Variants in WWOX observed in about 807,000 individuals in gnomAD.
WWOX encodes the protein WW domain-containing oxidoreductase.
WWOX carries 69 observed loss-of-function variants against 46.2 expected under a neutral mutation model. The observed-to-expected ratio is 1.49, with a 90% CI of 1.23 to 1.82. The LOEUF (loss-of-function observed/expected upper bound fraction) is 1.82, where lower values mean the gene tolerates loss of function less well. Among genes scored for constraint, WWOX ranks in the 40% most tolerant of loss-of-function variants. The pLI, the probability that WWOX is intolerant of heterozygous loss-of-function variation, is 0.00. For missense variants in WWOX, 919 were observed against 542.6 expected (o/e 1.69, Z -6.89); for synonymous variants, 359 against 202.6 (o/e 1.77, Z -6.56).
At chr16:78,528,660 A>C (rs757644300) in intron 8 of WWOX, among the ~76,000 whole-genome samples, 7 of 152,192 alleles carry the variant, frequency 4.6e-5, no homozygotes, top group African/African-American at 1.2e-4. Flanking sequence ...AGCACTTCTT[A>C]GGTGCCTCTG....
intron 8 of WWOX, among the ~76,000 whole-genome samples, chr16:79,125,293 C>T (rs538609596): frequency 1.3e-5 from 2 of 152,112 alleles, no homozygotes; most frequent in Admixed American, 1.3e-4. Context: ...TCCAAACCTC[C>T]GTAATTGTCT....
Position 78,427,822 on chromosome 16 carries a change from C to T in WWOX, c.791+2767C>T, listed in dbSNP as rs118100861. 4.2e-4 allele frequency among the ~76,000 whole-genome samples: 64 copies of T among 151,406 alleles called. 2 individuals carry two copies. The East Asian group carries it at 0.013, about 30-fold the overall frequency. ...TGTTTAAAAAAAATGCAGTATAGGC[C>T]AGGCACAGTGTCTCACGCCTGTAAT... On this transcript the variant is annotated intron_variant, in intron 7 of 8. Transcript: ENST00000566780.
At chr16:78,360,965 C>T (rs897062983) in intron 5 of WWOX, among the ~76,000 whole-genome samples, 1 of 152,066 alleles carries the variant, frequency 6.6e-6, no homozygotes, top group Non-Finnish European at 1.5e-5. Context: ...GGACTATACG[C>T]ATGCACCACC....
intron 5 of WWOX, among the ~76,000 whole-genome samples, chr16:78,292,916 C>T (rs1296102163): frequency 6.6e-6 from 1 of 152,140 alleles, no homozygotes; most frequent in Non-Finnish European, 1.5e-5. Flanking sequence ...AGGTATTCTG[C>T]CAGAGTGTGA....
intron 8 of WWOX, among the ~76,000 whole-genome samples, chr16:79,099,610 G>A (rs1165122766): frequency 6.6e-6 from 1 of 151,998 alleles, no homozygotes; most frequent in Non-Finnish European, 1.5e-5. Context: ...GAGAGAGAGA[G>A]AGAGAGAGAA....
chr16:78,669,025 T>A (rs376266715), intron 8 of WWOX, among the ~76,000 whole-genome samples: 2 of 152,186 alleles, frequency 1.3e-5, no homozygotes, highest in East Asian at 3.8e-4. Flanking sequence ...CAGAACGGCT[T>A]CCTGAATAAT....
chr16:78,513,167 A>T (rs527947373), intron 8 of WWOX, among the ~76,000 whole-genome samples: 1 of 152,238 alleles, frequency 6.6e-6, no homozygotes, highest in Non-Finnish European at 1.5e-5. Flanking sequence ...CATTAAAACA[A>T]ATGCCTCAAA....
At chr16:79,200,851 C>A (rs561276231) in intron 8 of WWOX, among the ~76,000 whole-genome samples, 12 of 152,156 alleles carry the variant, frequency 7.9e-5, no homozygotes, top group Non-Finnish European at 1.5e-4. Flanking sequence ...ACAGGCGAGT[C>A]TCTATACGGC....
intron 8 of WWOX, among the ~76,000 whole-genome samples, chr16:78,516,485 G>A (rs1333143657): frequency 1.3e-5 from 2 of 152,058 alleles, no homozygotes; most frequent in Non-Finnish European, 2.9e-5. Flanking sequence ...CAGACATTTG[G>A]AAACATTTTA....
In WWOX at chr16:78,671,990, G is replaced by A. The variant is rs367601140; in HGVS notation, c.1056+239238G>A. ...AATATGATCCTTGGCAGTCTACTAC[G>A]CAAAAGCAGGAACATCATCTGCTTT... On this transcript the variant is annotated intron_variant, in intron 8 of 8. Coordinates refer to ENST00000566780, the MANE Select transcript of WWOX (RefSeq NM_016373.4). Among the ~76,000 whole-genome samples, 17 of 152,168 alleles carry A rather than the reference G, an allele frequency of 1.1e-4. 1 individual carries two copies. The highest frequency in any genetic ancestry group is 4.2e-4 in the South Asian group (2 of 4,806).
intron 8 of WWOX, among the ~76,000 whole-genome samples, chr16:79,120,587 G>A (rs1236664390): frequency 6.6e-6 from 1 of 152,154 alleles, no homozygotes; most frequent in Non-Finnish European, 1.5e-5. Context: ...CGGTGTTGGA[G>A]CCCAGACGTC....
At chr16:79,102,984 C>T (rs1377765279) in intron 8 of WWOX, among the ~76,000 whole-genome samples, 6 of 152,076 alleles carry the variant, frequency 3.9e-5, no homozygotes, top group African/African-American at 9.7e-5. Flanking sequence ...TTTTCCTCCT[C>T]CTCTTCTCCT....
intron 5 of WWOX, among the ~76,000 whole-genome samples, chr16:78,326,428 AC>A (rs2080616662): frequency 6.6e-6 from 1 of 152,116 alleles, no homozygotes; most frequent in South Asian, 2.1e-4. Context: ...ACTGGGAGAA[AC>A]AAGGGGTTGA....
chr16:78,879,277 T>C (rs1011212708), intron 8 of WWOX, among the ~76,000 whole-genome samples: 2 of 152,196 alleles, frequency 1.3e-5, no homozygotes, highest in African/African-American at 2.4e-5. Context: ...CAAGTGAAGA[T>C]TGCATCTCAG....
At chr16:79,187,317 A>T (rs1354996960) in intron 8 of WWOX, among the ~76,000 whole-genome samples, 1 of 152,178 alleles carries the variant, frequency 6.6e-6, no homozygotes, top group African/African-American at 2.4e-5. Context: ...TGGTGCCCCC[A>T]AACATGGATT....
At chr16:79,193,760 A>T (rs927759122) in intron 8 of WWOX, among the ~76,000 whole-genome samples, 1 of 152,192 alleles carries the variant, frequency 6.6e-6, no homozygotes, top group Non-Finnish European at 1.5e-5. Flanking sequence ...ATACCTGAAG[A>T]TTGCAAAGCC....
chr16:78,870,760 C>T (rs1377606295), intron 8 of WWOX, among the ~76,000 whole-genome samples: 1 of 152,164 alleles, frequency 6.6e-6, no homozygotes, highest in Admixed American at 6.5e-5. Flanking sequence ...TGCCACCATG[C>T]CCAGCTAAAT....
intron 8 of WWOX, chr16:79,078,213 G>C (rs1032790694): frequency 1.3e-5 from 2 of 152,184 alleles, no homozygotes; most frequent in Non-Finnish European, 2.9e-5. Flanking sequence ...AAAGTCTGTG[G>C]CTCCAGTATT....
intron 8 of WWOX, among the ~76,000 whole-genome samples, chr16:78,820,453 C>CT (rs1214949689): frequency 5.3e-5 from 8 of 152,114 alleles, no homozygotes; most frequent in Non-Finnish European, 8.8e-5. Flanking sequence ...AAATAAAAAT[C>CT]TTTCTTACTG....
Sources: gnomAD v4.1 joint callset for allele counts (sites outside exome capture counted in the v4.1 genomes callset) on GRCh38, gnomAD v4.1.1 for gene constraint, MANE v1.5 for transcripts, NCBI Gene and HGNC (gene_info 2026-07-23, HGNC 2026-07-21) for gene names.